Variants in CAST observed in about 807,000 individuals in gnomAD.
CAST encodes the protein calpastatin.
In CAST, 76 loss-of-function variants were observed where a neutral mutation model predicts 119.6. That is an observed-to-expected ratio of 0.64 (90% CI 0.53 to 0.77). The LOEUF (loss-of-function observed/expected upper bound fraction) is 0.77, where lower values mean the gene tolerates loss of function less well. Among genes scored for constraint, CAST ranks in the 30% least tolerant of loss-of-function variants. The pLI is 0.00. For missense variants in CAST, 953 were observed against 946.5 expected (o/e 1.01, Z -0.09); for synonymous variants, 319 against 331.6 (o/e 0.96, Z 0.41).
the CAST span, among the ~76,000 whole-genome samples, chr5:96,273,845 TAGATCAGTGA>T: frequency 0.025 from 3,740 of 152,252 alleles, 165 homozygotes; most frequent in African/African-American, 0.085. Flanking sequence ...TAGCAGTAAA[TAGATCAGTGA>T]AGTACTGACA....
intron 3 of CAST, among the ~76,000 whole-genome samples, chr5:96,720,501 C>G (rs540164909): frequency 6.6e-6 from 1 of 152,318 alleles, no homozygotes; most frequent in African/African-American, 2.4e-5. Flanking sequence ...TTCCCTACTT[C>G]CAGCTCCCAT....
the CAST span, among the ~76,000 whole-genome samples, chr5:96,000,295 T>C: frequency 2.0e-5 from 3 of 152,206 alleles, no homozygotes; most frequent in Non-Finnish European, 4.4e-5. Flanking sequence ...ATGGAACATG[T>C]TTTTAGTTTC....
the CAST span, among the ~76,000 whole-genome samples, chr5:96,503,696 CCTT>C: frequency 6.6e-6 from 1 of 152,144 alleles, no homozygotes; most frequent in Non-Finnish European, 1.5e-5. Flanking sequence ...AATGCGGACT[CCTT>C]CTGATAGTCT....
At chr5:96,004,350 G>T in the CAST span, among the ~76,000 whole-genome samples, 17 of 152,306 alleles carry the variant, frequency 1.1e-4, no homozygotes, top group Non-Finnish European at 2.5e-4. Flanking sequence ...AATTTAGAAA[G>T]ATTATGTGAA....
At chr5:96,722,612 C>T (rs1477582555) in intron 3 of CAST, 27 bp from the exon 4 acceptor site, 1 of 1,553,648 alleles carries the variant, frequency 6.4e-7, no homozygotes, top group East Asian at 2.2e-5. Context: ...TAGAATCGAA[C>T]TTTCTATTTC....
chr5:96,399,322 T>C, the CAST span, among the ~76,000 whole-genome samples: 1 of 152,190 alleles, frequency 6.6e-6, no homozygotes, highest in Non-Finnish European at 1.5e-5. Context: ...AATGATTTTA[T>C]CTAGAAGGCC....
the CAST span, among the ~76,000 whole-genome samples, chr5:96,269,430 A>G: frequency 2.6e-5 from 4 of 152,290 alleles, no homozygotes; most frequent in South Asian, 8.3e-4. Flanking sequence ...ACAAAGAAAC[A>G]CTGGAGTTAA....
the CAST span, among the ~76,000 whole-genome samples, chr5:96,437,991 A>G: frequency 1.3e-5 from 2 of 152,124 alleles, no homozygotes; most frequent in African/African-American, 4.8e-5. Flanking sequence ...ACAAGTCTCA[A>G]TCTCTTTTAT....
chr5:96,252,025 G>T, the CAST span, among the ~76,000 whole-genome samples: 1 of 152,064 alleles, frequency 6.6e-6, no homozygotes. Context: ...GAAATGTAAG[G>T]CCACACTCTA....
chr5:96,618,766 C>A (rs539507990), intron 1 of CAST, among the ~76,000 whole-genome samples: 2 of 152,316 alleles, frequency 1.3e-5, no homozygotes, highest in African/African-American at 2.4e-5. Flanking sequence ...GGGCTCGGGA[C>A]CTGCAGTCCA....
intron 18 of CAST, among the ~76,000 whole-genome samples, chr5:96,747,962 T>C (rs1181725488): frequency 1.3e-5 from 2 of 152,172 alleles, no homozygotes; most frequent in Non-Finnish European, 2.9e-5. Context: ...GACTTAGAAC[T>C]CAGGCTGTCT....
intron 1 of CAST, among the ~76,000 whole-genome samples, chr5:96,543,781 A>AT (rs1282659101): frequency 6.6e-6 from 1 of 152,184 alleles, no homozygotes; most frequent in Non-Finnish European, 1.5e-5. Context: ...GCACTTGGAC[A>AT]TCTAATTGTT....
At chr5:96,733,314 T>C (rs1760961188) in intron 9 of CAST, among the ~76,000 whole-genome samples, 1 of 152,210 alleles carries the variant, frequency 6.6e-6, no homozygotes, top group South Asian at 2.1e-4. Context: ...AGGCAGAAGA[T>C]TAGATACGTT....
chr5:96,453,012 T>C, the CAST span, among the ~76,000 whole-genome samples: 1 of 142,920 alleles, frequency 7.0e-6, no homozygotes, highest in African/African-American at 2.7e-5. Context: ...GTCACAGAAA[T>C]TCCGAGTAAC....
chr5:96,534,479 A>C (rs573836238), intron 1 of CAST, among the ~76,000 whole-genome samples: 9 of 151,626 alleles, frequency 5.9e-5, no homozygotes, highest in Admixed American at 5.9e-4. Context: ...AACCAGTCTG[A>C]CCAACATGGC....
At chr5:96,285,732 G>A in the CAST span, among the ~76,000 whole-genome samples, 1 of 152,096 alleles carries the variant, frequency 6.6e-6, no homozygotes, top group South Asian at 2.1e-4. Context: ...GTGGAAAATG[G>A]GAGCAATCTT....
intron 1 of CAST, among the ~76,000 whole-genome samples, chr5:96,557,244 A>G (rs1186511024): frequency 6.6e-6 from 1 of 152,110 alleles, no homozygotes; most frequent in African/African-American, 2.4e-5. Flanking sequence ...GGTACCAGCC[A>G]CTGCAAAAAC....
At chr5:96,368,260 G>T in the CAST span, among the ~76,000 whole-genome samples, 1 of 151,864 alleles carries the variant, frequency 6.6e-6, no homozygotes, top group East Asian at 1.9e-4. Flanking sequence ...AGCACTTTGG[G>T]TGGCCAATGC....
intron 16 of CAST, among the ~76,000 whole-genome samples, 160 bp downstream of exon 16, chr5:96,742,916 G>A (rs1240094744): frequency 6.6e-6 from 1 of 152,200 alleles, no homozygotes; most frequent in African/African-American, 2.4e-5. Context: ...GCAACTAAGG[G>A]GGATAGTTAC....
Sources: gnomAD v4.1 joint callset for allele counts (sites outside exome capture counted in the v4.1 genomes callset) on GRCh38, gnomAD v4.1.1 for gene constraint, MANE v1.5 for transcripts, NCBI Gene and HGNC (gene_info 2026-07-23, HGNC 2026-07-21) for gene names.